TNFSF13B: variants seen among roughly 807,000 people sequenced by gnomAD.
TNFSF13B encodes the protein TNF superfamily member 13b.
A neutral mutation model predicts 29.1 loss-of-function variants in TNFSF13B; 8 were observed. The ratio of observed to expected loss-of-function variants is 0.27; its 90% CI spans 0.16 to 0.50. The LOEUF (loss-of-function observed/expected upper bound fraction) is 0.50. TNFSF13B is among the 20% of genes least tolerant of loss of function. The pLI is 0.98. For synonymous variants in TNFSF13B, 125 were observed against 130.8 expected, an observed-to-expected ratio of 0.96 and a Z score of 0.30; for missense variants, 248 against 334.9, an observed-to-expected ratio of 0.74 and a Z score of 2.03.
chr13:108,279,044 A>T (rs1024429481), intron 2 of TNFSF13B, among the ~76,000 whole-genome samples: 2 of 152,116 alleles, frequency 1.3e-5, no homozygotes, highest in African/African-American at 4.8e-5. Context: ...TCCACAATTC[A>T]TGGAAATTGT....
chr13:108,291,619 C>T (rs1344832464), intron 3 of TNFSF13B, among the ~76,000 whole-genome samples: 4 of 151,748 alleles, frequency 2.6e-5, no homozygotes, highest in African/African-American at 9.7e-5. Flanking sequence ...TTTTGGATTG[C>T]ATTTCCCTAG....
chr13:108,276,963 A>T (rs1001614529), intron 2 of TNFSF13B, among the ~76,000 whole-genome samples: 7 of 151,918 alleles, frequency 4.6e-5, no homozygotes, highest in Admixed American at 2.0e-4. Flanking sequence ...TTTTTTTTTT[A>T]AAAGACATTC....
At chr13:108,289,712 T>G (rs1395181056) in intron 3 of TNFSF13B, among the ~76,000 whole-genome samples, 1 of 151,234 alleles carries the variant, frequency 6.6e-6, no homozygotes, top group East Asian at 1.9e-4. Flanking sequence ...TGAGATGAAA[T>G]CATGTTATGT....
At chr13:108,271,452 A>T (rs1212184724) in intron 2 of TNFSF13B, among the ~76,000 whole-genome samples, 1 of 86,844 alleles carries the variant, frequency 1.2e-5, no homozygotes, top group Admixed American at 1.5e-4. Context: ...TATCACACAC[A>T]CACACACACA....
At chr13:108,271,458 AC>A (rs1880611872) in intron 2 of TNFSF13B, among the ~76,000 whole-genome samples, 2 of 147,744 alleles carry the variant, frequency 1.4e-5, no homozygotes, top group African/African-American at 5.2e-5. Flanking sequence ...ACACACACAC[AC>A]ACACACACAC....
chr13:108,278,609 CCCCTT>C (rs1880830192), intron 2 of TNFSF13B, among the ~76,000 whole-genome samples: 1 of 460 alleles, frequency 2.2e-3, no homozygotes, highest in Non-Finnish European at 4.8e-3. Flanking sequence ...TCCTCCTCCT[CCCCTT>C]CTCTTCCTCC....
chr13:108,300,923 T>C (rs1191796389), intron 3 of TNFSF13B, among the ~76,000 whole-genome samples: 1 of 152,172 alleles, frequency 6.6e-6, no homozygotes, highest in African/African-American at 2.4e-5. Flanking sequence ...CTGACATCTT[T>C]CCTCCCTCTG....
In TNFSF13B at chr13:108,270,118, G is replaced by A; in HGVS notation, c.223G>A (p.Asp75Asn). 6.2e-7 allele frequency: 1 copy of A among 1,602,694 alleles called. No homozygotes were observed. The highest frequency in any genetic ancestry group is 8.5e-7 in the Non-Finnish European group (1 of 1,179,924). The change falls in exon 1 of 6, where the codon GAC (aspartate) becomes AAC (asparagine). Residue 75 changes from aspartate (D) to asparagine (N), a missense_variant. Around this residue, in one of 2 missense-constraint regions of TNFSF13B, gnomAD observed 186 missense variants for 196.3 expected, o/e 0.95. Coordinates refer to ENST00000375887, the MANE Select transcript of TNFSF13B (RefSeq NM_006573.5). ...CTACCAGGTGGCCGCCCTGCAAGGG[G>A]ACCTGGCCAGCCTCCGGGCAGAGCT... is the stretch of plus-strand genomic sequence containing the variant. The part of the protein sequence containing the change: ...SFYQVAALQG[D>N]LASLRAELQG...
chr13:108,273,015 G>A (rs1042485741), intron 2 of TNFSF13B, among the ~76,000 whole-genome samples: 13 of 152,004 alleles, frequency 8.6e-5, no homozygotes, highest in South Asian at 2.1e-4. Flanking sequence ...GTATACTGAT[G>A]AGAATCTTTC....
Position 108,270,080 on chromosome 13 carries a change from C to A in TNFSF13B, c.185C>A (p.Thr62Lys). The A allele has an allele frequency of 6.2e-7, 1 of 1,606,296 alleles. No homozygotes were observed. ...LLLALLSCCLTVVSFYQVAAL... is the reference protein window; with the variant it reads ...LLLALLSCCLKVVSFYQVAAL... ...CTGGCACTGCTGTCTTGCTGCCTCA[C>A]GGTGGTGTCTTTCTACCAGGTGGCC... The change falls in exon 1 of 6, where the codon ACG becomes AAG. Residue 62 changes from threonine (T) to lysine (K), a missense_variant. Thr to Lys is a moderately conservative substitution (Grantham distance 78, BLOSUM62 -1). Around this residue, in one of 2 missense-constraint regions of TNFSF13B, gnomAD observed 186 missense variants for 196.3 expected, o/e 0.95. Transcript: ENST00000375887.
chr13:108,283,509 T>C (rs1454374345), intron 2 of TNFSF13B, among the ~76,000 whole-genome samples: 3 of 152,216 alleles, frequency 2.0e-5, no homozygotes, highest in Non-Finnish European at 4.4e-5. Flanking sequence ...TGTTTTTCAA[T>C]GTGTAGGTTG....
chr13:108,270,806 A>G (rs183138056), intron 2 of TNFSF13B, among the ~76,000 whole-genome samples: 1 of 152,218 alleles, frequency 6.6e-6, no homozygotes, highest in Non-Finnish European at 1.5e-5. Context: ...TTAGAATTAG[A>G]CTTTGCTTAC....
rs998109471 is a variant in TNFSF13B at position 108,298,966 on chromosome 13, GAAAAACAAACAAACAAACAAACA to G, written c.482-4265_482-4243del. ...GCCTGGGCGACAGAGCAAGACTTGGGAAAAACAAACAAACAAACAAACAAAAAACAAACAAACAAACAAAACAT... is the reference window on the plus strand; with the variant it reads ...GCCTGGGCGACAGAGCAAGACTTGGGAAAAACAAACAAACAAACAAAACAT... On this transcript the variant is annotated intron_variant, in intron 3 of 5. Coordinates refer to ENST00000375887, the MANE Select transcript of TNFSF13B (RefSeq NM_006573.5). 5.5e-5 allele frequency among the ~76,000 whole-genome samples: 8 copies of G among 144,834 alleles called. 2 individuals are homozygous for G. The South Asian group carries it at 6.4e-4, about 12-fold the overall frequency.
At chr13:108,285,373 C>T (rs1881095967) in intron 2 of TNFSF13B, among the ~76,000 whole-genome samples, 1 of 152,026 alleles carries the variant, frequency 6.6e-6, no homozygotes, top group Admixed American at 6.6e-5. Flanking sequence ...ATTCTGCATC[C>T]CTGGGCAATT....
chr13:108,306,677 T>C (rs1167746377), intron 5 of TNFSF13B, 149 bp from the exon 6 acceptor site: 3 of 508,920 alleles, frequency 5.9e-6, no homozygotes, highest in Non-Finnish European at 1.0e-5. Context: ...CTAAGATAAT[T>C]GCAATGGTTT....
At chr13:108,285,660 C>T (rs1881106539) in intron 2 of TNFSF13B, among the ~76,000 whole-genome samples, 1 of 152,166 alleles carries the variant, frequency 6.6e-6, no homozygotes, top group Non-Finnish European at 1.5e-5. Context: ...TTATGCAGTG[C>T]ATGACTGTAT....
Position 108,270,045 on chromosome 13 carries a change from A to C in TNFSF13B, c.150A>C (p.Ala50=), listed in dbSNP as rs778579156. 5 of 1,610,924 alleles carry C rather than the reference A, an allele frequency of 3.1e-6. No homozygotes were observed. The highest frequency in any genetic ancestry group is 4.2e-6 in the Non-Finnish European group (5 of 1,179,970). The change falls in exon 1 of 6, where the codon GCA becomes GCC. Residue 50 remains alanine, a synonymous_variant. Coordinates refer to ENST00000375887, the MANE Select transcript of TNFSF13B (RefSeq NM_006573.5). ...RSSKDGKLLA[A]TLLLALLSCC... is the part of the protein sequence containing the mutation. ...CCAAAGACGGAAAGCTGCTGGCTGC[A>C]ACCTTGCTGCTGGCACTGCTGTCTT...
At chr13:108,295,681 C>G (rs1881442982) in intron 3 of TNFSF13B, among the ~76,000 whole-genome samples, 2 of 145,442 alleles carry the variant, frequency 1.4e-5, no homozygotes, top group Admixed American at 1.4e-4. Context: ...TTGTACATTT[C>G]TTTCTGAGTG....
At chr13:108,303,963 A>G (rs1258716459) in intron 5 of TNFSF13B, among the ~76,000 whole-genome samples, 1 of 152,196 alleles carries the variant, frequency 6.6e-6, no homozygotes, top group Non-Finnish European at 1.5e-5. Context: ...AACAATAATA[A>G]TATCTGACAA....
Sources: allele counts gnomAD v4.1 joint callset (sites outside exome capture counted in the v4.1 genomes callset), GRCh38; gene constraint gnomAD v4.1.1; regional missense constraint gnomAD v4.1.1; transcripts MANE v1.5; gene names NCBI Gene and HGNC (gene_info 2026-07-23, HGNC 2026-07-21).